The following NEO1 variants were observed in gnomAD, a reference collection of about 807,000 sequenced individuals.
NEO1 encodes neogenin.
Under a neutral mutation model 159.7 loss-of-function variants are expected in NEO1, and 63 were observed. The ratio of observed to expected loss-of-function variants is 0.39; its 90% CI spans 0.32 to 0.49. The LOEUF (loss-of-function observed/expected upper bound fraction) is 0.49. Ranked by LOEUF, NEO1 falls within the 20% of genes least tolerant of loss-of-function variation. The pLI is 0.85. For synonymous variants in NEO1, 633 were observed against 662.0 expected (o/e 0.96, Z 0.67); for missense variants, 1,615 against 1,831.0 (o/e 0.88, Z 2.15).
intron 27 of NEO1, 138 bp from the exon 28 acceptor site, chr15:73,301,183 G>T: frequency 9.1e-7 from 1 of 1,093,144 alleles, no homozygotes. Context: ...TCTTATTCCA[G>T]TAACTTTTCA....
intron 4 of NEO1, among the ~76,000 whole-genome samples, chr15:73,130,877 G>A (rs1047261859): frequency 6.6e-6 from 1 of 152,196 alleles, no homozygotes; most frequent in African/African-American, 2.4e-5. Flanking sequence ...ACCATGTGGG[G>A]GAACAATAAT....
chr15:73,207,358 G>T (rs778930230), intron 7 of NEO1, among the ~76,000 whole-genome samples: 95 of 152,242 alleles, frequency 6.2e-4, no homozygotes, highest in Non-Finnish European at 1.2e-3. Context: ...TTGGAGCTAG[G>T]ATATGAACCC....
intron 1 of NEO1, among the ~76,000 whole-genome samples, chr15:73,111,206 G>A (rs935486303): frequency 6.6e-6 from 1 of 152,048 alleles, no homozygotes; most frequent in Non-Finnish European, 1.5e-5. Context: ...TTAAATATGG[G>A]CACACAAGCA....
At chr15:73,144,482 C>T (rs2032712498) in intron 5 of NEO1, among the ~76,000 whole-genome samples, 1 of 152,170 alleles carries the variant, frequency 6.6e-6, no homozygotes, top group Non-Finnish European at 1.5e-5. Context: ...TGACTTGATA[C>T]CAGTGTGTCA....
intron 21 of NEO1, 36 bp from the exon 22 acceptor site, chr15:73,278,095 G>A (rs2041500629): frequency 4.4e-6 from 7 of 1,586,294 alleles, no homozygotes; most frequent in East Asian, 2.3e-5. Context: ...CGCCAAATGT[G>A]TGGGGTCATT....
chr15:73,143,702 C>G (rs1425335949), intron 5 of NEO1, among the ~76,000 whole-genome samples: 1 of 152,138 alleles, frequency 6.6e-6, no homozygotes. Context: ...ATGGAGTCCT[C>G]TTTACCAAAT....
At chr15:73,229,001 A>G (rs1423592689) in intron 7 of NEO1, among the ~76,000 whole-genome samples, 1 of 152,196 alleles carries the variant, frequency 6.6e-6, no homozygotes, top group Non-Finnish European at 1.5e-5. Context: ...ATTTTGAAGT[A>G]CAGTAAATTT....
chr15:73,204,119 G>T (rs1249321344), intron 7 of NEO1, among the ~76,000 whole-genome samples: 1 of 131,084 alleles, frequency 7.6e-6, no homozygotes, highest in South Asian at 2.4e-4. Context: ...AAGGTTGGTG[G>T]GTTTTTTTTT....
At chr15:73,285,866 T>C (rs1044012476) in intron 23 of NEO1, among the ~76,000 whole-genome samples, 2 of 152,226 alleles carry the variant, frequency 1.3e-5, no homozygotes, top group East Asian at 1.9e-4. Context: ...TCCTCCTCCC[T>C]CCTAAGTGTA....
Position 73,052,734 on chromosome 15 carries a change from G to T in NEO1, c.59G>T (p.Cys20Phe). The change falls in exon 1 of 29, where the codon TGC (cysteine) becomes TTC (phenylalanine). Residue 20 changes from cysteine (C) to phenylalanine (F), a missense_variant. Cys to Phe is a radical substitution (Grantham distance 205). Transcript: ENST00000261908. ...AGCACCCCCTCCTTCTGGCTCTACT[G>T]CCTGCTGCTGCTCGGGCGCCGGGCG... Reference protein sequence around the residue: ...LLSTPSFWLYCLLLLGRRAPG... With the variant: ...LLSTPSFWLYFLLLLGRRAPG... 1.5e-6 allele frequency: 2 copies of T among 1,325,328 alleles called. No individual in the cohort carries two copies. Among genetic ancestry groups the T allele is most frequent in the South Asian group, 1.8e-5 (1 of 56,252 alleles). The allele number at this position is 1,325,328 out of a possible 1,614,324, so 82.1% of individuals were successfully genotyped here.
intron 3 of NEO1, among the ~76,000 whole-genome samples, chr15:73,123,156 CAA>C (rs746634085): frequency 1.2e-3 from 119 of 96,110 alleles, no homozygotes; most frequent in African/African-American, 3.9e-3. Context: ...GACTCCATCT[CAA>C]AAAAAAAAAA....
At chr15:73,275,963 A>G (rs937599042) in intron 21 of NEO1, among the ~76,000 whole-genome samples, 2 of 152,338 alleles carry the variant, frequency 1.3e-5, no homozygotes, top group African/African-American at 2.4e-5. Flanking sequence ...AACTTGAGGT[A>G]TCAAGTTTTC....
At chr15:73,139,319 T>C (rs1463075667) in intron 5 of NEO1, among the ~76,000 whole-genome samples, 1 of 151,860 alleles carries the variant, frequency 6.6e-6, no homozygotes, top group Non-Finnish European at 1.5e-5. Flanking sequence ...AAAGCAAAAA[T>C]AGATAAATTG....
At chr15:73,139,281 G>C (rs1202730158) in intron 5 of NEO1, among the ~76,000 whole-genome samples, 3 of 151,942 alleles carry the variant, frequency 2.0e-5, no homozygotes, top group Admixed American at 6.5e-5. Context: ...CGTTTTTTTG[G>C]ATATGACCCC....
In NEO1 at chr15:73,206,142, A is replaced by G. The variant is rs145749181; in HGVS notation, c.1291+27715A>G. On this transcript the variant is annotated intron_variant, in intron 7 of 28. Coordinates refer to ENST00000261908, the MANE Select transcript of NEO1 (RefSeq NM_002499.4). ...GGGTGGTCTTGAACTCCTGAGCTCA[A>G]GCAATCTGCCCACCCCAGCCTCCCA... Among the ~76,000 whole-genome samples, 1,308 of 152,208 alleles carry G rather than the reference A, an allele frequency of 8.6e-3. 22 individuals carry two copies. The highest frequency in any genetic ancestry group is 0.03 in the African/African-American group (1,236 of 41,526).
Position 73,168,382 on chromosome 15 carries a change from G to GGGT in NEO1, c.1016-8019_1016-8018insTGG, listed in dbSNP as rs1555442759. 4.8e-3 allele frequency among the ~76,000 whole-genome samples: 222 copies of GGGT among 46,294 alleles called. 3 individuals are homozygous for GGGT. The highest frequency in any genetic ancestry group is 0.011 in the African/African-American group (215 of 19,040). 30.4% of individuals were successfully genotyped at this position (46,294 alleles called of 152,430 possible). ...TATTTTTAGTAGAGACGGGGGGTGGGGGGGGGGGGTCTCACCATGTTGGCT... is the reference window on the plus strand; with the variant it reads ...TATTTTTAGTAGAGACGGGGGGTGGGGGTGGGGGGGGGTCTCACCATGTTGGCT... On this transcript the variant is annotated intron_variant, in intron 5 of 28. Coordinates refer to ENST00000261908, the MANE Select transcript of NEO1 (RefSeq NM_002499.4).
chr15:73,187,583 C>T (rs1308653558), intron 7 of NEO1, among the ~76,000 whole-genome samples: 1 of 152,188 alleles, frequency 6.6e-6, no homozygotes, highest in Non-Finnish European at 1.5e-5. Context: ...CATTTGGTCT[C>T]TGTTTACATT....
At chr15:73,187,303 G>C (rs2035986714) in intron 7 of NEO1, among the ~76,000 whole-genome samples, 1 of 152,048 alleles carries the variant, frequency 6.6e-6, no homozygotes, top group Non-Finnish European at 1.5e-5. Flanking sequence ...GGAGTGACTA[G>C]GGCACATTTC....
At chr15:73,267,112 G>A (rs1567647025) in intron 16 of NEO1, among the ~76,000 whole-genome samples, 1 of 152,122 alleles carries the variant, frequency 6.6e-6, no homozygotes, top group Non-Finnish European at 1.5e-5. Flanking sequence ...CAAAAAATTA[G>A]CCAGGCGTGG....
Sources: allele counts gnomAD v4.1 joint callset (sites outside exome capture counted in the v4.1 genomes callset), GRCh38; gene constraint gnomAD v4.1.1; transcripts MANE v1.5; gene names NCBI Gene and HGNC (gene_info 2026-07-23, HGNC 2026-07-21).